The following LRP5 variants were observed in gnomAD, a reference collection of about 807,000 sequenced individuals.
LRP5 encodes the protein LDL receptor related protein 5.
Under a neutral mutation model 154.1 loss-of-function variants are expected in LRP5, and 62 were observed. The ratio of observed to expected loss-of-function variants is 0.40; its 90% confidence interval spans 0.33 to 0.50. The LOEUF (loss-of-function observed/expected upper bound fraction) is 0.50. LRP5 is among the 20% of genes least tolerant of loss of function. The pLI is 0.55. For synonymous variants in LRP5, 966 were observed against 1,011.5 expected (o/e 0.96, Z 0.85); for missense variants, 1,915 against 2,336.7 (o/e 0.82, Z 3.72).
rs756201389 is a variant in LRP5, at chr11:68,426,224, C to T, written c.3637+37C>T. 6 of 1,579,400 alleles carry T rather than the reference C, an allele frequency of 3.8e-6. No homozygotes were observed. In the Admixed American group the frequency reaches 6.7e-5, roughly 18 times the overall value. On this transcript the variant is annotated intron_variant, in intron 16 of 22. Transcript: ENST00000294304. ...CTGGCAGTGGGGTGGGCAGGGTGGCCTCTAAACCCGACCCCTGGAGGAGGC... is the reference window on the plus strand; with the variant it reads ...CTGGCAGTGGGGTGGGCAGGGTGGCTTCTAAACCCGACCCCTGGAGGAGGC...
intron 16 of LRP5, among the ~76,000 whole-genome samples, chr11:68,429,322 T>G (rs561151027): frequency 6.6e-6 from 1 of 152,284 alleles, no homozygotes; most frequent in Non-Finnish European, 1.5e-5. Context: ...TAGAGACTGG[T>G]GCAGACAGGC....
At chr11:68,417,979 C>T (rs190661277) in intron 13 of LRP5, among the ~76,000 whole-genome samples, 5 of 152,186 alleles carry the variant, frequency 3.3e-5, no homozygotes, top group African/African-American at 9.6e-5. Flanking sequence ...CGGAAGTGAG[C>T]ACTTTGCGGA....
At chr11:68,364,512 A>G (rs1759083236) in intron 4 of LRP5, among the ~76,000 whole-genome samples, 2 of 152,064 alleles carry the variant, frequency 1.3e-5, no homozygotes, top group South Asian at 2.1e-4. Context: ...ATGAGCCACC[A>G]TGCTTGGCCC....
At chr11:68,338,786 C>A (rs1443141226) in intron 1 of LRP5, among the ~76,000 whole-genome samples, 1 of 151,402 alleles carries the variant, frequency 6.6e-6, no homozygotes, top group Non-Finnish European at 1.5e-5. Flanking sequence ...TGCATGGTGC[C>A]TTTTAAACAA....
intron 5 of LRP5, among the ~76,000 whole-genome samples, chr11:68,380,436 A>G (rs1450429952): frequency 3.9e-5 from 6 of 152,084 alleles, no homozygotes; most frequent in Admixed American, 3.9e-4. Context: ...CACCGAAAAT[A>G]TTTGCTCTCT....
the LRP5 span, among the ~76,000 whole-genome samples, chr11:68,300,608 T>C: frequency 4.7e-5 from 7 of 149,588 alleles, no homozygotes; most frequent in East Asian, 1.4e-3. Flanking sequence ...CACCAAGTAC[T>C]TGGACCCCAA....
chr11:68,317,418 C>G (rs2098594056), intron 1 of LRP5, among the ~76,000 whole-genome samples: 1 of 152,164 alleles, frequency 6.6e-6, no homozygotes, highest in African/African-American at 2.4e-5. Context: ...CAGATGGGGA[C>G]CAGGAGGTGG....
Position 68,409,915 on chromosome 11 carries a change from C to T in LRP5, c.2093C>T (p.Thr698Ile). The T allele has an allele frequency of 6.2e-7, 1 of 1,612,826 alleles. No homozygotes were observed. The highest frequency in any genetic ancestry group is 8.5e-7 in the Non-Finnish European group (1 of 1,179,218). ...HIYWTDVSLK[T>I]ISRAFMNGSS... ...CTTTTCCTCCTCACCTGCTGCCAGACCATCAGCCGCGCCTTCATGAACGGG... is the reference window on the plus strand; with the variant it reads ...CTTTTCCTCCTCACCTGCTGCCAGATCATCAGCCGCGCCTTCATGAACGGG... Residue 698 changes from threonine (T) to isoleucine (I), a missense_variant and splice_region_variant, in exon 10 of 23, where the codon ACC becomes ATC. By Grantham distance (89) the Thr-to-Ile change is moderately conservative (BLOSUM62 -1). Around this residue, in one of 3 missense-constraint regions of LRP5, gnomAD observed 773 missense variants for 1,100.9 expected, o/e 0.70. Transcript: ENST00000294304.
At chr11:68,339,280 GT>G (rs2098607484) in intron 1 of LRP5, among the ~76,000 whole-genome samples, 1 of 150,856 alleles carries the variant, frequency 6.6e-6, no homozygotes, top group Admixed American at 6.6e-5. Context: ...GGTTCAAGTG[GT>G]TCTCCTGCCT....
chr11:68,302,518 C>G, the LRP5 span, among the ~76,000 whole-genome samples: 2 of 152,172 alleles, frequency 1.3e-5, no homozygotes, highest in South Asian at 4.1e-4. Flanking sequence ...CAGACTTTTG[C>G]AGTTTTATTC....
In LRP5 at chr11:68,411,479, C is replaced by G; in HGVS notation, c.2362C>G (p.Arg788Gly). Residue 788 changes from arginine (R) to glycine (G), a missense_variant, in exon 11 of 23, where the codon CGG becomes GGG. Around this residue, in one of 3 missense-constraint regions of LRP5, gnomAD observed 773 missense variants for 1,100.9 expected, o/e 0.70. Coordinates refer to ENST00000294304, the MANE Select transcript of LRP5 (RefSeq NM_002335.4). Reference protein sequence around the residue: ...TEWGGKPRIVRAFMDGTNCMT... With the variant: ...TEWGGKPRIVGAFMDGTNCMT... The stretch of plus-strand genomic sequence containing the variant: ...GTGGGGCGGCAAGCCGAGGATCGTG[C>G]GGGCCTTCATGGACGGGACCAACTG... The G allele has an allele frequency of 1.2e-6, 2 of 1,613,192 alleles. No individual in the cohort carries two copies. The highest frequency in any genetic ancestry group is 1.1e-5 in the South Asian group (1 of 91,062).
chr11:68,366,752 A>G (rs1050353145), intron 5 of LRP5, among the ~76,000 whole-genome samples: 1 of 152,100 alleles, frequency 6.6e-6, no homozygotes, highest in East Asian at 1.9e-4. Context: ...CCGACCAAGC[A>G]TCTTGTTTCC....
rs187015326 is a variant in LRP5, at chr11:68,431,280, C to T, written c.3763+1580C>T. 2.4e-3 allele frequency among the ~76,000 whole-genome samples: 320 copies of T among 135,782 alleles called. 3 individuals carry two copies. Among genetic ancestry groups the T allele is most frequent in the African/African-American group, 8.3e-3 (290 of 35,056 alleles). 89.1% of individuals were successfully genotyped at this position (135,782 alleles called of 152,430 possible). On this transcript the variant is annotated intron_variant, in intron 17 of 22. Coordinates refer to ENST00000294304, the MANE Select transcript of LRP5 (RefSeq NM_002335.4). Reference sequence around the variant, plus strand: ...TTGAGATGGAGTCTCGCTTTTTTCGCGCAGGCTGAAGTGCAGTGGTGTGAT... The same window carrying T: ...TTGAGATGGAGTCTCGCTTTTTTCGTGCAGGCTGAAGTGCAGTGGTGTGAT...
intron 13 of LRP5, among the ~76,000 whole-genome samples, chr11:68,419,540 AT>A (rs1264189213): frequency 0.015 from 1,653 of 112,770 alleles, 23 homozygotes; most frequent in African/African-American, 0.041. Context: ...AGCCATTTTA[AT>A]TTTTTTTTTT....
At chr11:68,318,723 GACCCCTTCA>G (rs1265876969) in intron 1 of LRP5, among the ~76,000 whole-genome samples, 2 of 152,278 alleles carry the variant, frequency 1.3e-5, no homozygotes, top group East Asian at 3.9e-4. Flanking sequence ...GGGGCTCAAG[GACCCCTTCA>G]AGGATATGAC....
At chr11:68,354,350 G>A (rs2098621287) in intron 2 of LRP5, among the ~76,000 whole-genome samples, 1 of 152,238 alleles carries the variant, frequency 6.6e-6, no homozygotes, top group South Asian at 2.1e-4. Flanking sequence ...CCTCTGTTAT[G>A]AAACTCGGGG....
intron 5 of LRP5, among the ~76,000 whole-genome samples, chr11:68,369,759 G>A (rs768643964): frequency 2.6e-5 from 4 of 152,118 alleles, no homozygotes; most frequent in Non-Finnish European, 5.9e-5. Flanking sequence ...GAACGGGTGT[G>A]GGCCCTGATA....
chr11:68,312,751 C>G lies in LRP5; in HGVS notation c.37C>G (p.Leu13Val). The change falls in exon 1 of 23, where the codon CTG (leucine) becomes GTG (valine). Residue 13 changes from leucine (L) to valine (V), a missense_variant. Transcript: ENST00000294304. ...AAPPGPPWPL[L>V]LLLLLLLALC... is the part of the protein sequence containing the mutation. ...GCCGCCCGGGCCGCCGTGGCCGCTGCTGCTGCTGCTGCTGCTGCTGCTGGC... is the reference window on the plus strand; with the variant it reads ...GCCGCCCGGGCCGCCGTGGCCGCTGGTGCTGCTGCTGCTGCTGCTGCTGGC... 1 of 1,030,724 alleles carries G rather than the reference C, an allele frequency of 9.7e-7. No individual in the cohort carries two copies. The highest frequency in any genetic ancestry group is 1.2e-6 in the Non-Finnish European group (1 of 841,420). The allele number at this position is 1,030,724 out of a possible 1,614,324, so 63.8% of individuals were successfully genotyped here.
intron 13 of LRP5, among the ~76,000 whole-genome samples, chr11:68,421,295 C>G (rs2098665496): frequency 6.6e-6 from 1 of 152,156 alleles, no homozygotes; most frequent in Admixed American, 6.5e-5. Flanking sequence ...ATGAAACTGG[C>G]CAGCCGCGTA....
Sources: gnomAD v4.1 joint callset for allele counts (sites outside exome capture counted in the v4.1 genomes callset) on GRCh38, gnomAD v4.1.1 for gene constraint, gnomAD v4.1.1 regional missense constraint, MANE v1.5 for transcripts, NCBI Gene and HGNC (gene_info 2026-07-23, HGNC 2026-07-21) for gene names.